Variants in DLC1 observed in about 807,000 individuals in gnomAD.
The protein encoded by DLC1 is rho GTPase-activating protein 7.
In DLC1, 54 loss-of-function variants were observed where a neutral mutation model predicts 140.3. The observed-to-expected ratio is 0.38, with a 90% confidence interval of 0.31 to 0.48. DLC1 has a LOEUF of 0.48. DLC1 is among the 20% of genes least tolerant of loss of function. DLC1 has a pLI of 0.96. For missense variants in DLC1, 2,536 were observed against 1,907.0 expected (o/e 1.33, Z -6.14); for synonymous variants, 986 against 728.1 (o/e 1.35, Z -5.70).
At position 13,450,594 on chromosome 8, in the gene DLC1, C is replaced by G. The variant is rs184333715; in HGVS notation, c.1023+48455G>C. Among the ~76,000 whole-genome samples, 752 of 150,848 alleles carry G rather than the reference C, an allele frequency of 5.0e-3. 4 individuals are homozygous for G. The highest frequency in any genetic ancestry group is 8.3e-3 in the Non-Finnish European group (563 of 67,774). ...CTATATTTTTACTTGAAATTGTATT[C>G]TTTATTTTCTCAACTTTTTAATTTT... On this transcript the variant is annotated intron_variant, in intron 2 of 17. Transcript: ENST00000276297.
intron 1 of DLC1, among the ~76,000 whole-genome samples, chr8:13,581,941 T>A (rs1470433121): frequency 6.6e-6 from 1 of 152,182 alleles, no homozygotes; most frequent in African/African-American, 2.4e-5. Context: ...TTAATGCATT[T>A]AAAAAATTTT....
chr8:13,418,501 A>G (rs866330269), intron 2 of DLC1, among the ~76,000 whole-genome samples: 3 of 151,930 alleles, frequency 2.0e-5, no homozygotes, highest in Non-Finnish European at 4.4e-5. Flanking sequence ...TTTTTGTCAC[A>G]TGTGTCAAAG....
At chr8:13,111,087 A>G (rs1488131033) in intron 6 of DLC1, among the ~76,000 whole-genome samples, 2 of 152,346 alleles carry the variant, frequency 1.3e-5, no homozygotes, top group African/African-American at 2.4e-5. Context: ...GAACATTGTT[A>G]TATGTTTAAA....
intron 4 of DLC1, among the ~76,000 whole-genome samples, chr8:13,371,474 C>G (rs1398899302): frequency 6.6e-6 from 1 of 152,184 alleles, no homozygotes; most frequent in Non-Finnish European, 1.5e-5. Context: ...CCAGCCTCTG[C>G]TCCTCAGCTC....
chr8:13,535,380 T>G (rs1803243193), intron 1 of DLC1, among the ~76,000 whole-genome samples: 1 of 152,094 alleles, frequency 6.6e-6, no homozygotes, highest in Non-Finnish European at 1.5e-5. Context: ...GAGACAAGCT[T>G]ATCTAGATCT....
chr8:13,494,252 T>C (rs1412570658), intron 2 of DLC1, among the ~76,000 whole-genome samples: 1 of 152,262 alleles, frequency 6.6e-6, no homozygotes, highest in Non-Finnish European at 1.5e-5. Context: ...ATTTATGTTA[T>C]GAGTTATCTC....
chr8:13,552,129 A>ATATATATATATATATC (rs1219850651), intron 1 of DLC1, among the ~76,000 whole-genome samples: 1 of 131,868 alleles, frequency 7.6e-6, no homozygotes. Flanking sequence ...ATATATATAT[A>ATATATATATATATATC]TATATATATA....
intron 5 of DLC1, among the ~76,000 whole-genome samples, chr8:13,207,352 A>T (rs1827716296): frequency 6.6e-6 from 1 of 152,178 alleles, no homozygotes; most frequent in Admixed American, 6.5e-5. Flanking sequence ...TTGCATCATG[A>T]CTTAGTAAAA....
At chr8:13,531,236 A>G (rs1202373745) in intron 1 of DLC1, among the ~76,000 whole-genome samples, 3 of 152,208 alleles carry the variant, frequency 2.0e-5, no homozygotes, top group Admixed American at 6.5e-5. Flanking sequence ...ATAATTTGCT[A>G]TAGCAGCCTG....
intron 1 of DLC1, chr8:13,558,594 A>T (rs919357315): frequency 6.6e-6 from 1 of 152,214 alleles, no homozygotes; most frequent in East Asian, 1.9e-4. Context: ...ACTTTCTGAA[A>T]GCATGCAATG....
At chr8:13,102,565 T>C (rs900310027) in intron 8 of DLC1, among the ~76,000 whole-genome samples, 1 of 152,220 alleles carries the variant, frequency 6.6e-6, no homozygotes, top group Non-Finnish European at 1.5e-5. Flanking sequence ...TAATAGCTGA[T>C]GTGATCAGGT....
intron 1 of DLC1, among the ~76,000 whole-genome samples, chr8:13,572,395 T>C (rs1804692130): frequency 6.6e-6 from 1 of 152,220 alleles, no homozygotes; most frequent in Admixed American, 6.5e-5. Context: ...TAAATTCTTA[T>C]CAGATATATG....
chr8:13,209,840 A>G (rs1827852863), intron 5 of DLC1, among the ~76,000 whole-genome samples: 1 of 152,110 alleles, frequency 6.6e-6, no homozygotes, highest in South Asian at 2.1e-4. Flanking sequence ...TGCTGGTGTT[A>G]TGCTTTCTGT....
intron 4 of DLC1, 133 bp from the exon 5 acceptor site, chr8:13,305,435 G>A: frequency 1.2e-6 from 1 of 862,874 alleles, no homozygotes; most frequent in Non-Finnish European, 1.7e-6. Context: ...TAGCATTTTG[G>A]AACTATCAGT....
chr8:13,158,749 C>CCCCCCCCCA, intron 5 of DLC1, among the ~76,000 whole-genome samples: 1 of 102,386 alleles, frequency 9.8e-6, no homozygotes. Context: ...CCCCCCCCCG[C>CCCCCCCCCA]CCGCCACACA....
intron 5 of DLC1, among the ~76,000 whole-genome samples, chr8:13,143,949 C>T (rs935973141): frequency 1.4e-4 from 22 of 152,072 alleles, no homozygotes; most frequent in African/African-American, 4.8e-4. Context: ...TTAAGAGAGG[C>T]TGACCCCAGC....
At chr8:13,469,587 A>G (rs1171183094) in intron 2 of DLC1, among the ~76,000 whole-genome samples, 3 of 152,236 alleles carry the variant, frequency 2.0e-5, no homozygotes, top group Non-Finnish European at 4.4e-5. Context: ...AATTATAGAT[A>G]TTCACAAAGG....
chr8:13,537,079 G>T (rs1803307705), intron 1 of DLC1, among the ~76,000 whole-genome samples: 1 of 151,808 alleles, frequency 6.6e-6, no homozygotes, highest in African/African-American at 2.4e-5. Context: ...CTGAATCTTT[G>T]TCTTTAAGCA....
intron 2 of DLC1, among the ~76,000 whole-genome samples, chr8:13,460,676 G>T (rs289539): frequency 0.2 from 30,350 of 152,078 alleles, 4,482 homozygotes; most frequent in African/African-American, 0.41. Flanking sequence ...ATAAAGGGAC[G>T]CAGATAGACA....
Sources: allele counts gnomAD v4.1 joint callset (sites outside exome capture counted in the v4.1 genomes callset), GRCh38; gene constraint gnomAD v4.1.1; transcripts MANE v1.5; gene names NCBI Gene and HGNC (gene_info 2026-07-23, HGNC 2026-07-21).